SWT1: variants seen among roughly 807,000 people sequenced by gnomAD.
The protein encoded by SWT1 is SWT1 RNA endoribonuclease homolog.
SWT1 carries 33 observed loss-of-function variants against 107.3 expected under a neutral mutation model. That is an observed-to-expected ratio of 0.31 (90% CI 0.23 to 0.41). The LOEUF is 0.41. Ranked by LOEUF, SWT1 falls within the 10% of genes least tolerant of loss-of-function variation. The pLI is 1.00. For synonymous variants in SWT1, 345 were observed against 348.3 expected, an observed-to-expected ratio of 0.99 and a Z score of 0.11; for missense variants, 898 against 1,028.9, an observed-to-expected ratio of 0.87 and a Z score of 1.74.
chr1:185,172,431 A>G (rs1655153941), intron 4 of SWT1, among the ~76,000 whole-genome samples: 1 of 152,210 alleles, frequency 6.6e-6, no homozygotes, highest in African/African-American at 2.4e-5. Flanking sequence ...ATTCCGTCAT[A>G]TGAATATGTC....
chr1:185,255,196 C>A (rs1662388592), intron 16 of SWT1, among the ~76,000 whole-genome samples: 1 of 151,976 alleles, frequency 6.6e-6, no homozygotes, highest in African/African-American at 2.4e-5. Context: ...AGCTTTACTT[C>A]CAAGTATGTG....
intron 16 of SWT1, among the ~76,000 whole-genome samples, chr1:185,250,954 C>T (rs147651868): frequency 9.3e-4 from 142 of 152,296 alleles, no homozygotes; most frequent in African/African-American, 3.3e-3. Flanking sequence ...TGAGCCACTG[C>T]ACCCGGCCTG....
intron 17 of SWT1, among the ~76,000 whole-genome samples, chr1:185,275,099 A>G (rs1364728501): frequency 6.6e-6 from 1 of 152,232 alleles, no homozygotes; most frequent in Non-Finnish European, 1.5e-5. Flanking sequence ...AAAGCTTAAT[A>G]TAAATTATTT....
chr1:185,226,821 C>A, intron 15 of SWT1: 1 of 1,489,416 alleles, frequency 6.7e-7, no homozygotes. Context: ...CTCAGCAGCC[C>A]GCTCCTGAGC....
At chr1:185,268,833 TTTG>T (rs1479694106) in intron 16 of SWT1, among the ~76,000 whole-genome samples, 1 of 151,512 alleles carries the variant, frequency 6.6e-6, no homozygotes, top group African/African-American at 2.4e-5. Context: ...TGGCTGATAG[TTTG>T]TTTTCTTTCT....
intron 16 of SWT1, among the ~76,000 whole-genome samples, chr1:185,270,603 G>T (rs1314734452): frequency 6.6e-6 from 1 of 152,076 alleles, no homozygotes; most frequent in South Asian, 2.1e-4. Flanking sequence ...CAGCTACTTG[G>T]GAGTCTGAGG....
chr1:185,183,236 G>A (rs1459531857), intron 7 of SWT1, among the ~76,000 whole-genome samples: 1 of 151,630 alleles, frequency 6.6e-6, no homozygotes, highest in Non-Finnish European at 1.5e-5. Flanking sequence ...ATGGTCCTAT[G>A]CAATAACAAT....
At chr1:185,258,826 C>CT (rs1316211568) in intron 16 of SWT1, among the ~76,000 whole-genome samples, 22 of 151,832 alleles carry the variant, frequency 1.4e-4, no homozygotes, top group Non-Finnish European at 2.8e-4. Context: ...ATGTGGTATG[C>CT]TTTTTTCAGT....
At chr1:185,197,540 T>C (rs954851972) in intron 10 of SWT1, among the ~76,000 whole-genome samples, 11 of 152,218 alleles carry the variant, frequency 7.2e-5, no homozygotes, top group Admixed American at 2.0e-4. Context: ...TGGTGCCAGC[T>C]TCTCTTTGTT....
intron 16 of SWT1, among the ~76,000 whole-genome samples, chr1:185,256,435 G>T (rs1310894218): frequency 4.6e-5 from 7 of 151,016 alleles, no homozygotes; most frequent in Admixed American, 4.0e-4. Flanking sequence ...ACGTAGATTT[G>T]GTCTTTTCAC....
At chr1:185,180,242 A>G (rs894822142) in intron 5 of SWT1, 149 bp from the exon 6 acceptor site, 2 of 629,126 alleles carry the variant, frequency 3.2e-6, no homozygotes, top group Admixed American at 5.3e-5. Flanking sequence ...TCTGGAGGAT[A>G]GAGGTCAGTG....
At chr1:185,265,929 T>C (rs1663340213) in intron 16 of SWT1, among the ~76,000 whole-genome samples, 1 of 152,214 alleles carries the variant, frequency 6.6e-6, no homozygotes, top group African/African-American at 2.4e-5. Flanking sequence ...TCTCTACAAC[T>C]GTTTTAAATA....
chr1:185,211,481 G>T (rs1433501632), intron 13 of SWT1, among the ~76,000 whole-genome samples: 1 of 152,174 alleles, frequency 6.6e-6, no homozygotes, highest in East Asian at 1.9e-4. Flanking sequence ...TGTAGAAGTT[G>T]TTTATTAGGG....
rs1336543213 is a variant in SWT1, at chr1:185,290,765, A to C, written c.2665A>C (p.Arg889=). The stretch of plus-strand genomic sequence containing the variant: ...ATCTGTTTATATGGAGGCCAAAAAC[A>C]GGGGATGGTGTGAAGACATGCTCAA... ...NASVYMEAKN[R]GWCEDMLNYR... is the part of the protein sequence containing the mutation. The change falls in exon 19 of 19, where the codon AGG becomes CGG. Residue 889 remains arginine, a synonymous_variant. Transcript: ENST00000367500. 1 of 1,611,820 alleles carries C rather than the reference A, an allele frequency of 6.2e-7. No individual in the cohort carries two copies. The highest frequency in any genetic ancestry group is 1.3e-5 in the African/African-American group (1 of 74,932).
At chr1:185,212,165 C>T (rs1015592018) in intron 13 of SWT1, among the ~76,000 whole-genome samples, 1 of 151,976 alleles carries the variant, frequency 6.6e-6, no homozygotes, top group Non-Finnish European at 1.5e-5. Flanking sequence ...ATGTAACAAA[C>T]CTGCACATTG....
intron 16 of SWT1, among the ~76,000 whole-genome samples, chr1:185,243,426 T>C (rs993578406): frequency 4.6e-5 from 7 of 152,174 alleles, no homozygotes; most frequent in Non-Finnish European, 1.0e-4. Context: ...TAATTTTATC[T>C]ATTTTGAGAA....
intron 13 of SWT1, among the ~76,000 whole-genome samples, chr1:185,211,631 T>G (rs948550368): frequency 2.0e-5 from 3 of 152,218 alleles, no homozygotes; most frequent in Non-Finnish European, 2.9e-5. Context: ...GTTCAACCAT[T>G]GTGGAAGTCA....
rs945681035 is a variant in SWT1, at chr1:185,184,862, A to G, written c.1360A>G (p.Asn454Asp). The change falls in exon 9 of 19, where the codon AAC becomes GAC. Residue 454 changes from asparagine (N) to aspartate (D), a missense_variant. Physicochemically the swap from Asn to Asp is conservative, Grantham distance 23. This residue lies in a region of SWT1 where 34 missense variants were observed against 50.2 expected (regional missense o/e 0.68). Transcript: ENST00000367500. ...AGCTATACCTGCAGTTCATTTCATCAACGACAGTCTCAAAAATCAAGATAG... is the reference window on the plus strand; with the variant it reads ...AGCTATACCTGCAGTTCATTTCATCGACGACAGTCTCAAAAATCAAGATAG... The part of the protein sequence containing the change: ...HKAIPAVHFI[N>D]DSLKNQDRKL... 2 of 1,548,408 alleles carry G rather than the reference A, an allele frequency of 1.3e-6. No individual in the cohort carries two copies. Among genetic ancestry groups the G allele is most frequent in the Non-Finnish European group, 1.7e-6 (2 of 1,152,942 alleles).
chr1:185,220,247 C>CTT (rs1268282695), intron 14 of SWT1, among the ~76,000 whole-genome samples: 6 of 84,868 alleles, frequency 7.1e-5, no homozygotes, highest in African/African-American at 2.1e-4. Flanking sequence ...TTCTTTCTTT[C>CTT]TTTTTTTTTT....
Sources: gnomAD v4.1 joint callset for allele counts (sites outside exome capture counted in the v4.1 genomes callset) on GRCh38, gnomAD v4.1.1 for gene constraint, gnomAD v4.1.1 regional missense constraint, MANE v1.5 for transcripts, NCBI Gene and HGNC (gene_info 2026-07-23, HGNC 2026-07-21) for gene names.